Variants in PTPRK observed in about 807,000 individuals in gnomAD.
The protein encoded by PTPRK is protein tyrosine phosphatase receptor type K.
In PTPRK, 75 loss-of-function variants were observed where a neutral mutation model predicts 178.0. That is an observed-to-expected ratio of 0.42 (90% CI 0.35 to 0.51). PTPRK has a LOEUF of 0.51. PTPRK is among the 20% of genes least tolerant of loss of function. The pLI is 0.02. For synonymous variants in PTPRK, 637 were observed against 620.6 expected (o/e 1.03, Z -0.39); for missense variants, 1,441 against 1,797.8 (o/e 0.80, Z 3.59).
At chr6:128,341,381 C>T (rs2128331431) in intron 2 of PTPRK, among the ~76,000 whole-genome samples, 1 of 152,256 alleles carries the variant, frequency 6.6e-6, no homozygotes, top group South Asian at 2.1e-4. Flanking sequence ...ATTTCCTTCA[C>T]TCACTTAGTA....
chr6:127,975,863 G>A lies in PTPRK; in HGVS notation c.3969+794C>T, dbSNP rs144253850. Among the ~76,000 whole-genome samples, 743 of 146,206 alleles carry A rather than the reference G, an allele frequency of 5.1e-3. 9 individuals are homozygous for A. The highest frequency in any genetic ancestry group is 0.019 in the African/African-American group (713 of 37,826). On this transcript the variant is annotated intron_variant, in intron 27 of 29. Coordinates refer to ENST00000368226, the MANE Select transcript of PTPRK (RefSeq NM_002844.4). ...AATTTTTGTATTTTTAGTAGAGATG[G>A]GGTTTCACCACGTTGCCAGGCTGGT...
At chr6:128,057,756 G>A (rs1780143251) in intron 13 of PTPRK, among the ~76,000 whole-genome samples, 1 of 152,174 alleles carries the variant, frequency 6.6e-6, no homozygotes, top group Admixed American at 6.5e-5. Context: ...CTCACAGGAT[G>A]ACTGAGTCCT....
chr6:128,411,046 G>T (rs185372512), intron 1 of PTPRK, among the ~76,000 whole-genome samples: 1 of 152,074 alleles, frequency 6.6e-6, no homozygotes. Flanking sequence ...TGCATGCCAC[G>T]ACGCCTGGCT....
intron 11 of PTPRK, among the ~76,000 whole-genome samples, chr6:128,068,800 T>C (rs1782289777): frequency 6.6e-6 from 1 of 151,620 alleles, no homozygotes; most frequent in African/African-American, 2.4e-5. Context: ...TCTGGAAAAA[T>C]ATATGTGGTA....
chr6:128,362,368 C>T (rs1022964001), intron 2 of PTPRK, among the ~76,000 whole-genome samples: 9 of 81,006 alleles, frequency 1.1e-4, no homozygotes, highest in African/African-American at 2.8e-4. Context: ...ACCTGGCCCC[C>T]ATCACCAAGA....
chr6:128,387,132 A>G (rs1301006520), intron 2 of PTPRK, among the ~76,000 whole-genome samples: 2 of 152,164 alleles, frequency 1.3e-5, no homozygotes, highest in Admixed American at 1.3e-4. Flanking sequence ...TTTAAACAAG[A>G]ATCATCCTTG....
At chr6:128,339,402 C>T (rs1202904026) in intron 2 of PTPRK, among the ~76,000 whole-genome samples, 1 of 152,126 alleles carries the variant, frequency 6.6e-6, no homozygotes, top group Non-Finnish European at 1.5e-5. Flanking sequence ...TCTTGACCCT[C>T]ACTAAACACA....
chr6:128,247,518 C>T (rs1406185826), intron 3 of PTPRK, among the ~76,000 whole-genome samples: 1 of 151,988 alleles, frequency 6.6e-6, no homozygotes, highest in Admixed American at 6.6e-5. Flanking sequence ...GGGGTTTTAA[C>T]ATGTTGGCTA....
intron 3 of PTPRK, among the ~76,000 whole-genome samples, chr6:128,309,066 A>G (rs186211585): frequency 2.0e-5 from 3 of 152,294 alleles, no homozygotes; most frequent in Admixed American, 2.0e-4. Context: ...TCACCACTCA[A>G]CAGTCAAGTC....
intron 13 of PTPRK, among the ~76,000 whole-genome samples, chr6:128,012,825 C>A (rs1018169893): frequency 2.6e-5 from 4 of 151,320 alleles, no homozygotes; most frequent in Non-Finnish European, 4.4e-5. Flanking sequence ...GAGATAGAAG[C>A]CTGTAAGTAC....
At chr6:127,973,453 A>T (rs1308830402) in intron 28 of PTPRK, among the ~76,000 whole-genome samples, 1 of 152,202 alleles carries the variant, frequency 6.6e-6, no homozygotes, top group Non-Finnish European at 1.5e-5. Flanking sequence ...TGTTCCAAAG[A>T]GTTTAAATAA....
intron 7 of PTPRK, among the ~76,000 whole-genome samples, chr6:128,129,532 T>TCAA (rs947533804): frequency 1.3e-5 from 2 of 152,046 alleles, no homozygotes; most frequent in Non-Finnish European, 2.9e-5. Flanking sequence ...CACACTACCT[T>TCAA]CAACAACAAC....
At chr6:128,378,276 T>C (rs982775400) in intron 2 of PTPRK, among the ~76,000 whole-genome samples, 4 of 152,052 alleles carry the variant, frequency 2.6e-5, no homozygotes, top group Non-Finnish European at 5.9e-5. Flanking sequence ...CAATTATAAA[T>C]AACAGAATTT....
intron 1 of PTPRK, among the ~76,000 whole-genome samples, chr6:128,496,078 A>G (rs1178164329): frequency 6.6e-6 from 1 of 152,224 alleles, no homozygotes; most frequent in Non-Finnish European, 1.5e-5. Flanking sequence ...TTTCACATCC[A>G]TCTACCCCAG....
At chr6:128,110,836 C>T (rs1790532005) in intron 7 of PTPRK, among the ~76,000 whole-genome samples, 1 of 152,140 alleles carries the variant, frequency 6.6e-6, no homozygotes, top group Admixed American at 6.6e-5. Flanking sequence ...AACAAGCTCA[C>T]ATGGGTTTTC....
intron 1 of PTPRK, among the ~76,000 whole-genome samples, chr6:128,491,492 T>A (rs1853766466): frequency 6.6e-6 from 1 of 152,208 alleles, no homozygotes. Context: ...AGAATGTTTA[T>A]GAGGAAGCAG....
intron 1 of PTPRK, among the ~76,000 whole-genome samples, chr6:128,452,829 T>C (rs1050038031): frequency 6.6e-6 from 1 of 152,198 alleles, no homozygotes; most frequent in Non-Finnish European, 1.5e-5. Flanking sequence ...AAAACAACCT[T>C]AAATTGGCTT....
At chr6:128,404,946 A>T (rs1841479553) in intron 1 of PTPRK, among the ~76,000 whole-genome samples, 1 of 152,184 alleles carries the variant, frequency 6.6e-6, no homozygotes, top group African/African-American at 2.4e-5. Flanking sequence ...AGAATTATCC[A>T]GTACAGCTGC....
At chr6:127,985,942 C>T (rs912949137) in intron 21 of PTPRK, 67 bp from the exon 22 acceptor site, 17 of 1,515,842 alleles carry the variant, frequency 1.1e-5, no homozygotes, top group Middle Eastern at 3.5e-4. Context: ...CCATTAAACA[C>T]AATTATGGGT....
Sources: gnomAD v4.1 joint callset for allele counts (sites outside exome capture counted in the v4.1 genomes callset) on GRCh38, gnomAD v4.1.1 for gene constraint, MANE v1.5 for transcripts, NCBI Gene and HGNC (gene_info 2026-07-23, HGNC 2026-07-21) for gene names.